The following KDM4C variants were observed in gnomAD, a reference collection of about 807,000 sequenced individuals.
The protein encoded by KDM4C is lysine demethylase 4C, also known as lysine-specific demethylase 4C.
KDM4C carries 81 observed loss-of-function variants against 129.3 expected under a neutral mutation model. The observed-to-expected ratio is 0.63, with a 90% confidence interval of 0.52 to 0.75. KDM4C has a LOEUF of 0.75. Ranked by LOEUF, KDM4C falls within the 30% of genes least tolerant of loss-of-function variation. The pLI, the probability that KDM4C is intolerant of heterozygous loss-of-function variation, is 0.00. For missense variants in KDM4C, 1,457 were observed against 1,304.0 expected, an observed-to-expected ratio of 1.12 and a Z score of -1.81; for synonymous variants, 573 against 456.1, an observed-to-expected ratio of 1.26 and a Z score of -3.26.
Position 6,898,642 on chromosome 9 carries a change from T to C in KDM4C, c.921+5410T>C, listed in dbSNP as rs143407982. On this transcript the variant is annotated intron_variant, in intron 8 of 21. Transcript: ENST00000381309. ...TTTGAACAAGTTTAAAAAGAGATGATAGAATTTTAAAACTGATTTCCCTTT... is the reference window on the plus strand; with the variant it reads ...TTTGAACAAGTTTAAAAAGAGATGACAGAATTTTAAAACTGATTTCCCTTT... Among the ~76,000 whole-genome samples the C allele has an allele frequency of 1.3e-4, 20 of 152,330 alleles. No homozygotes were observed. In the East Asian group the frequency reaches 3.7e-3, roughly 28 times the overall value.
chr9:6,727,566 C>A, intron 1 of KDM4C: 1 of 222,056 alleles, frequency 4.5e-6, no homozygotes, highest in Non-Finnish European at 7.0e-6. Context: ...ACCATCCTGG[C>A]TAACACGGTG....
At chr9:7,077,344 A>G in intron 17 of KDM4C, 4 of 456,852 alleles carry the variant, frequency 8.8e-6, no homozygotes, top group Non-Finnish European at 1.2e-5. Flanking sequence ...CCCTCCCCTC[A>G]ACTACGGCTG....
intron 8 of KDM4C, among the ~76,000 whole-genome samples, chr9:6,941,104 C>T (rs1825856715): frequency 1.3e-5 from 2 of 151,572 alleles, no homozygotes; most frequent in South Asian, 4.2e-4. Flanking sequence ...AATCTCAGCT[C>T]ACTGCAACCT....
At chr9:6,941,310 T>G (rs554060158) in intron 8 of KDM4C, among the ~76,000 whole-genome samples, 16 of 152,302 alleles carry the variant, frequency 1.1e-4, no homozygotes, top group Admixed American at 9.1e-4. Flanking sequence ...TTTCATATGT[T>G]TATTCACTGC....
chr9:6,802,176 G>A (rs143234673), intron 2 of KDM4C, among the ~76,000 whole-genome samples: 3 of 151,694 alleles, frequency 2.0e-5, no homozygotes, highest in East Asian at 1.9e-4. Context: ...TCATTTATTC[G>A]GAAAATACAA....
At chr9:7,153,639 C>T (rs1842909471) in intron 19 of KDM4C, among the ~76,000 whole-genome samples, 1 of 152,068 alleles carries the variant, frequency 6.6e-6, no homozygotes, top group Non-Finnish European at 1.5e-5. Context: ...GGTTTCTTTC[C>T]ATTTTGTGGG....
Position 6,789,017 on chromosome 9 carries a change from A to G in KDM4C, c.-17-3955A>G, listed in dbSNP as rs114016440. 3.3e-3 allele frequency among the ~76,000 whole-genome samples: 495 copies of G among 151,230 alleles called. 3 individuals carry two copies. The highest frequency in any genetic ancestry group is 0.012 in the African/African-American group (476 of 41,210). ...CAGTGATGATGGACGAGGCCATAGTAGTTAGGTGAGGGCCAGATCCAGATT... is the reference window on the plus strand; with the variant it reads ...CAGTGATGATGGACGAGGCCATAGTGGTTAGGTGAGGGCCAGATCCAGATT... On this transcript the variant is annotated intron_variant, in intron 1 of 21. Coordinates refer to ENST00000381309, the MANE Select transcript of KDM4C (RefSeq NM_015061.6).
At chr9:6,959,240 A>C (rs1234542656) in intron 8 of KDM4C, among the ~76,000 whole-genome samples, 1 of 152,150 alleles carries the variant, frequency 6.6e-6, no homozygotes, top group African/African-American at 2.4e-5. Context: ...TGAAATCCCC[A>C]TGCTGGTCCC....
intron 5 of KDM4C, among the ~76,000 whole-genome samples, chr9:6,869,756 A>G (rs1484278827): frequency 6.6e-6 from 1 of 152,214 alleles, no homozygotes; most frequent in Non-Finnish European, 1.5e-5. Context: ...TGAACTCATG[A>G]AGGCAGCAAG....
chr9:7,084,996 G>T (rs1005099240), intron 17 of KDM4C, among the ~76,000 whole-genome samples: 2 of 152,206 alleles, frequency 1.3e-5, no homozygotes, highest in East Asian at 3.8e-4. Flanking sequence ...TGGCTCTGAA[G>T]GAATGACATT....
In KDM4C at chr9:6,863,358, A is replaced by G. The variant is rs556700663; in HGVS notation, c.629+13658A>G. Among the ~76,000 whole-genome samples the G allele has an allele frequency of 1.2e-4, 18 of 152,242 alleles. No homozygotes were observed. In the East Asian group the frequency reaches 1.9e-3, roughly 16 times the overall value. On this transcript the variant is annotated intron_variant, in intron 5 of 21. Coordinates refer to ENST00000381309, the MANE Select transcript of KDM4C (RefSeq NM_015061.6). ...AGGAATACCTGAGGCAGGGTAATTT[A>G]TAAAGAAAAAAGATTTATTTGGCTC...
intron 8 of KDM4C, among the ~76,000 whole-genome samples, chr9:6,971,818 T>G (rs181371468): frequency 6.6e-6 from 1 of 152,232 alleles, no homozygotes; most frequent in East Asian, 1.9e-4. Context: ...TAAATAGAAA[T>G]GAGGGAAGTT....
At chr9:6,738,593 G>A (rs1053515619) in intron 1 of KDM4C, among the ~76,000 whole-genome samples, 16 of 152,052 alleles carry the variant, frequency 1.1e-4, no homozygotes, top group East Asian at 1.9e-4. Flanking sequence ...GCACCACCAC[G>A]CCCAGCTAAT....
intron 1 of KDM4C, among the ~76,000 whole-genome samples, chr9:6,786,864 C>G (rs1272455987): frequency 6.6e-6 from 1 of 152,080 alleles, no homozygotes; most frequent in African/African-American, 2.4e-5. Flanking sequence ...ATCACTGTCA[C>G]TAAGAATCAA....
intron 8 of KDM4C, among the ~76,000 whole-genome samples, chr9:6,975,246 A>G (rs1832726588): frequency 6.6e-6 from 1 of 152,222 alleles, no homozygotes; most frequent in Non-Finnish European, 1.5e-5. Context: ...ATTGTTAGCT[A>G]GGCTGGTTAA....
chr9:6,734,045 G>C (rs1817440483), intron 1 of KDM4C, among the ~76,000 whole-genome samples: 1 of 152,114 alleles, frequency 6.6e-6, no homozygotes, highest in Admixed American at 6.6e-5. Context: ...GTCATCCTGT[G>C]ACTTAGAATG....
At chr9:7,044,246 T>G (rs1476927639) in intron 15 of KDM4C, among the ~76,000 whole-genome samples, 38 of 152,012 alleles carry the variant, frequency 2.5e-4, no homozygotes, top group South Asian at 6.2e-4. Flanking sequence ...TTAGTTTAAT[T>G]ATTGATGAAT....
chr9:6,803,751 G>GAAA (rs869296822), intron 2 of KDM4C, among the ~76,000 whole-genome samples: 1 of 65,118 alleles, frequency 1.5e-5, no homozygotes, highest in Non-Finnish European at 2.9e-5. Context: ...GTAACAAAAA[G>GAAA]AAAAAAAAAA....
intron 4 of KDM4C, among the ~76,000 whole-genome samples, chr9:6,831,255 C>A (rs1030501821): frequency 6.6e-6 from 1 of 152,158 alleles, no homozygotes; most frequent in African/African-American, 2.4e-5. Context: ...AGTTTTCTTT[C>A]ATGTAAAAAT....
Sources: gnomAD v4.1 joint callset for allele counts (sites outside exome capture counted in the v4.1 genomes callset) on GRCh38, gnomAD v4.1.1 for gene constraint, MANE v1.5 for transcripts, NCBI Gene and HGNC (gene_info 2026-07-23, HGNC 2026-07-21) for gene names.